Variants in BOC observed in about 807,000 individuals in gnomAD.
The protein encoded by BOC is brother of CDO.
In BOC, 76 loss-of-function variants were observed where a neutral mutation model predicts 112.0. The observed-to-expected ratio is 0.68, with a 90% CI of 0.56 to 0.82. The LOEUF (loss-of-function observed/expected upper bound fraction) is 0.82, where lower values mean the gene tolerates loss of function less well. Among genes scored for constraint, BOC ranks in the 40% least tolerant of loss-of-function variants. The pLI, the probability that BOC is intolerant of heterozygous loss-of-function variation, is 0.00. For synonymous variants in BOC, 580 were observed against 599.8 expected (o/e 0.97, Z 0.48); for missense variants, 1,309 against 1,511.7 (o/e 0.87, Z 2.22).
intron 2 of BOC, among the ~76,000 whole-genome samples, chr3:113,222,573 G>A (rs1319583145): frequency 1.3e-5 from 2 of 152,206 alleles, no homozygotes; most frequent in Non-Finnish European, 2.9e-5. Context: ...GTCCGTGGGT[G>A]TACCGGTTGC....
intron 2 of BOC, among the ~76,000 whole-genome samples, chr3:113,220,957 T>C (rs1022026437): frequency 6.6e-6 from 1 of 152,158 alleles, no homozygotes; most frequent in Non-Finnish European, 1.5e-5. Flanking sequence ...GGTGGAGTGC[T>C]GGGAAAGATG....
chr3:113,234,587 A>C (rs998978508), intron 2 of BOC, among the ~76,000 whole-genome samples: 2 of 152,192 alleles, frequency 1.3e-5, no homozygotes, highest in Non-Finnish European at 2.9e-5. Context: ...CTCATTGAAG[A>C]CTGGAGGCTG....
chr3:113,257,242 CCTTTATGGAGCCATGAGCT>C (rs1211354412), intron 4 of BOC, among the ~76,000 whole-genome samples: 4 of 152,218 alleles, frequency 2.6e-5, no homozygotes, highest in African/African-American at 9.6e-5. Context: ...TATTCCTTAA[CCTTTATGGAGCCATGAGCT>C]CCATTCAAAC....
intron 2 of BOC, among the ~76,000 whole-genome samples, chr3:113,236,292 A>ATATATATATATATATATACCCATGGG (rs1943522845): frequency 1.4e-4 from 7 of 48,378 alleles, no homozygotes; most frequent in African/African-American, 3.4e-4. Flanking sequence ...GTATATATAT[A>ATATATATATATATATATACCCATGGG]TATATATATA....
intron 2 of BOC, among the ~76,000 whole-genome samples, chr3:113,241,108 T>C (rs1944231809): frequency 6.6e-6 from 1 of 152,190 alleles, no homozygotes; most frequent in South Asian, 2.1e-4. Context: ...TCAAGGCCAC[T>C]GGAGAGCTGA....
chr3:113,241,268 T>C (rs961299718), intron 2 of BOC, among the ~76,000 whole-genome samples: 2 of 152,192 alleles, frequency 1.3e-5, no homozygotes, highest in Non-Finnish European at 2.9e-5. Context: ...TGAAGGTTTC[T>C]GTCCCCAAAG....
intron 5 of BOC, chr3:113,270,493 A>G: frequency 3.6e-6 from 1 of 279,796 alleles, no homozygotes; most frequent in East Asian, 7.2e-5. Flanking sequence ...AGCCTCCCTT[A>G]GCTCCCTTTA....
chr3:113,248,899 G>A (rs1046370327), intron 2 of BOC, among the ~76,000 whole-genome samples: 2 of 152,156 alleles, frequency 1.3e-5, no homozygotes, highest in Non-Finnish European at 2.9e-5. Context: ...TACAACTTGG[G>A]TAATCAAGAG....
chr3:113,272,393 C>A lies in BOC; in HGVS notation c.668-17C>A. 1 of 1,609,890 alleles carries A rather than the reference C, an allele frequency of 6.2e-7. No individual in the cohort carries two copies. The highest frequency in any genetic ancestry group is 8.5e-7 in the Non-Finnish European group (1 of 1,176,978). On this transcript the variant is annotated splice_polypyrimidine_tract_variant and intron_variant, in intron 6 of 19. Transcript: ENST00000682979. The stretch of plus-strand genomic sequence containing the variant: ...TGGTCCACACGCCTTCTGTCCTTGC[C>A]CTCCTTGCCCCTCCAGGCTCCACCG...
chr3:113,250,698 G>A lies in BOC; in HGVS notation c.241G>A (p.Ala81Thr). ...AAAGGAGCTGAATGGCTCGGATGAT[G>A]CTCTGGGTGTCCTCATCACCCACGG... is the stretch of plus-strand genomic sequence containing the variant. ...NGKELNGSDD[A>T]LGVLITHGTL... The change falls in exon 4 of 20, where the codon GCT (alanine) becomes ACT (threonine). Residue 81 changes from alanine (A) to threonine (T), a missense_variant. Physicochemically the swap from Ala to Thr is moderately conservative, Grantham distance 58. Coordinates refer to ENST00000682979, the MANE Select transcript of BOC (RefSeq NM_001378074.1). 6.2e-7 allele frequency: 1 copy of A among 1,614,166 alleles called. No individual in the cohort carries two copies. Among genetic ancestry groups the A allele is most frequent in the Non-Finnish European group, 8.5e-7 (1 of 1,180,034 alleles).
At position 113,250,760 on chromosome 3, in the gene BOC, G is replaced by T. The variant is rs1267667787; in HGVS notation, c.303G>T (p.Val101=). The change falls in exon 4 of 20, where the codon GTG becomes GTT. Residue 101 remains valine, a synonymous_variant. Coordinates refer to ENST00000682979, the MANE Select transcript of BOC (RefSeq NM_001378074.1). ...TCACTGCCCTTAACAACCACACTGT[G>T]GGACGGTACCAGTGTGTGGCCCGGA... is the stretch of plus-strand genomic sequence containing the variant. ...LVITALNNHT[V]GRYQCVARMP... The T allele has an allele frequency of 1.2e-6, 2 of 1,614,166 alleles. No homozygotes were observed. The highest frequency in any genetic ancestry group is 2.2e-5 in the South Asian group (2 of 91,076).
chr3:113,227,413 A>G (rs1022670905), intron 2 of BOC, among the ~76,000 whole-genome samples: 2 of 152,346 alleles, frequency 1.3e-5, no homozygotes, highest in Admixed American at 6.5e-5. Context: ...TGGATAGGGA[A>G]GCCCCAGAAA....
At position 113,250,902 on chromosome 3, in the gene BOC, A is replaced by G. The variant is rs751981075; in HGVS notation, c.376+69A>G. The G allele has an allele frequency of 7.0e-6, 11 of 1,570,328 alleles. No homozygotes were observed. The South Asian group carries it at 1.3e-4, about 18-fold the overall frequency. Reference sequence around the variant, plus strand: ...TCATCTCTCCCACCCTGAAGCCCCCACCATTCATGCTGCCTCTTGTTACTC... The same window carrying G: ...TCATCTCTCCCACCCTGAAGCCCCCGCCATTCATGCTGCCTCTTGTTACTC... On this transcript the variant is annotated intron_variant, in intron 4 of 19. Transcript: ENST00000682979.
intron 2 of BOC, among the ~76,000 whole-genome samples, chr3:113,216,869 G>A (rs1014554438): frequency 6.6e-6 from 1 of 152,152 alleles, no homozygotes. Context: ...GTTGAGGAAA[G>A]TCTCAACCCG....
At chr3:113,268,212 C>G (rs1947722209) in intron 4 of BOC, 87 bp from the exon 5 acceptor site, 2 of 1,556,632 alleles carry the variant, frequency 1.3e-6, no homozygotes, top group Non-Finnish European at 1.7e-6. Context: ...TTTGTCATGA[C>G]TGACAACACC....
At chr3:113,215,487 C>G (rs528672370) in intron 1 of BOC, among the ~76,000 whole-genome samples, 2 of 152,308 alleles carry the variant, frequency 1.3e-5, no homozygotes, top group East Asian at 3.9e-4. Flanking sequence ...CAGTTAGACA[C>G]CTTCCCCAAG....
intron 4 of BOC, among the ~76,000 whole-genome samples, chr3:113,253,241 T>A (rs953072843): frequency 6.6e-6 from 1 of 152,170 alleles, no homozygotes; most frequent in African/African-American, 2.4e-5. Flanking sequence ...ATTGGCCATA[T>A]GACCATGTTA....
At chr3:113,254,785 A>C (rs1180332149) in intron 4 of BOC, among the ~76,000 whole-genome samples, 1 of 152,178 alleles carries the variant, frequency 6.6e-6, no homozygotes, top group Admixed American at 6.5e-5. Flanking sequence ...TAGAAGGGTC[A>C]TGGGGCTATA....
chr3:113,268,346 G>C lies in BOC; in HGVS notation c.424G>C (p.Glu142Gln). 6.2e-7 allele frequency: 1 copy of C among 1,614,150 alleles called. No individual in the cohort carries two copies. The highest frequency in any genetic ancestry group is 2.2e-5 in the East Asian group (1 of 44,878). The change falls in exon 5 of 20, where the codon GAG becomes CAG. Residue 142 changes from glutamate (E) to glutamine (Q), a missense_variant. Physicochemically the swap from Glu to Gln is conservative, Grantham distance 29. Transcript: ENST00000682979. The part of the protein sequence containing the change: ...LDVQHVIEVD[E>Q]GNTAVIACHL... Reference sequence around the variant, plus strand: ...TGTGCAGCACGTGATTGAAGTGGATGAGGGAAACACAGCAGTCATTGCCTG... The same window carrying C: ...TGTGCAGCACGTGATTGAAGTGGATCAGGGAAACACAGCAGTCATTGCCTG...
Sources: gnomAD v4.1 joint callset for allele counts (sites outside exome capture counted in the v4.1 genomes callset) on GRCh38, gnomAD v4.1.1 for gene constraint, MANE v1.5 for transcripts, NCBI Gene and HGNC (gene_info 2026-07-23, HGNC 2026-07-21) for gene names.